HS3ST2: variants seen among roughly 807,000 people sequenced by gnomAD.
HS3ST2 encodes heparan sulfate-glucosamine 3-sulfotransferase 2.
A neutral mutation model predicts 26.3 loss-of-function variants in HS3ST2; 17 were observed. The observed-to-expected ratio is 0.65, with a 90% CI of 0.44 to 0.97. The LOEUF (loss-of-function observed/expected upper bound fraction) is 0.97. Among genes scored for constraint, HS3ST2 ranks in the 50% least tolerant of loss-of-function variants. The pLI, the probability that HS3ST2 is intolerant of heterozygous loss-of-function variation, is 0.00. For missense variants in HS3ST2, 402 were observed against 501.2 expected (o/e 0.80, Z 1.89); for synonymous variants, 237 against 219.2 (o/e 1.08, Z -0.72).
chr16:22,906,286 G>A (rs555606241), intron 1 of HS3ST2, among the ~76,000 whole-genome samples: 15 of 152,022 alleles, frequency 9.9e-5, no homozygotes, highest in South Asian at 2.1e-4. Context: ...CAGGAGGATC[G>A]CTTGAACCTG....
chr16:22,840,861 C>T (rs558812032), intron 1 of HS3ST2, among the ~76,000 whole-genome samples: 2 of 152,040 alleles, frequency 1.3e-5, no homozygotes, highest in Admixed American at 6.6e-5. Flanking sequence ...ATGTGCACAA[C>T]GTGCAGGTTA....
At chr16:22,826,956 C>G (rs1022093407) in intron 1 of HS3ST2, among the ~76,000 whole-genome samples, 1 of 152,144 alleles carries the variant, frequency 6.6e-6, no homozygotes, top group Non-Finnish European at 1.5e-5. Context: ...TCAAACATAT[C>G]TATGTCAGAT....
At chr16:22,894,674 G>A (rs1902181396) in intron 1 of HS3ST2, among the ~76,000 whole-genome samples, 1 of 151,782 alleles carries the variant, frequency 6.6e-6, no homozygotes, top group South Asian at 2.1e-4. Flanking sequence ...CAAGGTGGGC[G>A]GATCACTTGA....
intron 1 of HS3ST2, among the ~76,000 whole-genome samples, chr16:22,853,257 C>T (rs1018582314): frequency 1.3e-5 from 2 of 152,146 alleles, no homozygotes; most frequent in African/African-American, 4.8e-5. Flanking sequence ...TTAATTTTGC[C>T]TGTTTTCAAA....
intron 1 of HS3ST2, among the ~76,000 whole-genome samples, chr16:22,874,400 G>T (rs1365553908): frequency 6.6e-6 from 1 of 152,226 alleles, no homozygotes; most frequent in Non-Finnish European, 1.5e-5. Context: ...TCTCAGATTT[G>T]TGTGGAATTT....
chr16:22,861,032 C>A (rs985855133), intron 1 of HS3ST2, among the ~76,000 whole-genome samples: 2 of 151,804 alleles, frequency 1.3e-5, no homozygotes, highest in Admixed American at 1.3e-4. Context: ...ACCCACCACA[C>A]CTATATAATT....
At chr16:22,874,968 A>T (rs1392127035) in intron 1 of HS3ST2, among the ~76,000 whole-genome samples, 1 of 152,176 alleles carries the variant, frequency 6.6e-6, no homozygotes, top group Non-Finnish European at 1.5e-5. Context: ...CTAATGGGAC[A>T]ATCCTAATAG....
intron 1 of HS3ST2, among the ~76,000 whole-genome samples, chr16:22,870,610 C>A (rs993208561): frequency 6.6e-6 from 1 of 152,182 alleles, no homozygotes; most frequent in Non-Finnish European, 1.5e-5. Flanking sequence ...TCTGTTCCAG[C>A]AACACTGGCT....
chr16:22,909,741 T>G (rs1902398721), intron 1 of HS3ST2, among the ~76,000 whole-genome samples: 2 of 152,134 alleles, frequency 1.3e-5, no homozygotes, highest in Admixed American at 1.3e-4. Flanking sequence ...ATAACACCAA[T>G]TAGAAATTAG....
intron 1 of HS3ST2, among the ~76,000 whole-genome samples, chr16:22,855,574 C>T (rs1240336992): frequency 1.3e-5 from 2 of 152,216 alleles, no homozygotes; most frequent in Non-Finnish European, 2.9e-5. Context: ...CCACCCTGCT[C>T]TTGAACTCAG....
rs538272364 is a variant in HS3ST2, at chr16:22,829,538, A to G, written c.485+14443A>G. Reference sequence around the variant, plus strand: ...TTTAAAGAAAGTGAACTCTCAATTTATAATCACATCTTACTGATTCATAAC... The same window carrying G: ...TTTAAAGAAAGTGAACTCTCAATTTGTAATCACATCTTACTGATTCATAAC... On this transcript the variant is annotated intron_variant, in intron 1 of 1. Transcript: ENST00000261374. 8.5e-5 allele frequency among the ~76,000 whole-genome samples: 13 copies of G among 152,322 alleles called. No homozygotes were observed. In the South Asian group the frequency reaches 2.7e-3, roughly 32 times the overall value.
chr16:22,913,980 T>C (rs1051848767), intron 1 of HS3ST2, among the ~76,000 whole-genome samples: 1 of 151,926 alleles, frequency 6.6e-6, no homozygotes, highest in Admixed American at 6.6e-5. Context: ...CTACAAAAAT[T>C]ATTAAGAATC....
intron 1 of HS3ST2, among the ~76,000 whole-genome samples, chr16:22,851,627 T>A (rs376884975): frequency 2.0e-5 from 3 of 152,202 alleles, no homozygotes; most frequent in East Asian, 1.9e-4. Flanking sequence ...TCCTGGGAGT[T>A]TCCCATCTCC....
intron 1 of HS3ST2, among the ~76,000 whole-genome samples, chr16:22,855,925 C>T (rs1235987339): frequency 6.6e-6 from 1 of 152,138 alleles, no homozygotes; most frequent in African/African-American, 2.4e-5. Flanking sequence ...TCACAACTAG[C>T]GAGTGGGATG....
At chr16:22,854,327 A>T (rs1901560312) in intron 1 of HS3ST2, among the ~76,000 whole-genome samples, 1 of 152,126 alleles carries the variant, frequency 6.6e-6, no homozygotes, top group Non-Finnish European at 1.5e-5. Context: ...CTTTGCCAGG[A>T]TACGTATCTA....
At chr16:22,909,964 G>A (rs1434006799) in intron 1 of HS3ST2, among the ~76,000 whole-genome samples, 1 of 150,116 alleles carries the variant, frequency 6.7e-6, no homozygotes, top group Non-Finnish European at 1.5e-5. Flanking sequence ...TTGAACCTGG[G>A]AGGCAGAGGT....
chr16:22,911,955 C>CTACAAAAAA (rs1164859890), intron 1 of HS3ST2, among the ~76,000 whole-genome samples: 2 of 152,100 alleles, frequency 1.3e-5, no homozygotes, highest in East Asian at 3.9e-4. Flanking sequence ...AACCCTGTCT[C>CTACAAAAAA]TACAAAAAAT....
chr16:22,887,742 T>G (rs1484889233), intron 1 of HS3ST2, among the ~76,000 whole-genome samples: 1 of 150,358 alleles, frequency 6.7e-6, no homozygotes, highest in Non-Finnish European at 1.5e-5. Context: ...AGGCCAGGAG[T>G]TTGAGACCAG....
chr16:22,859,183 G>T (rs139273893), intron 1 of HS3ST2, among the ~76,000 whole-genome samples: 2 of 152,140 alleles, frequency 1.3e-5, no homozygotes, highest in African/African-American at 4.8e-5. Context: ...ATAAACAAAC[G>T]AACACTTTAT....
Sources: allele counts gnomAD v4.1 joint callset (sites outside exome capture counted in the v4.1 genomes callset), GRCh38; gene constraint gnomAD v4.1.1; transcripts MANE v1.5; gene names NCBI Gene and HGNC (gene_info 2026-07-23, HGNC 2026-07-21).